Variants in KCNN2 observed in about 807,000 individuals in gnomAD.
KCNN2 encodes potassium calcium-activated channel subfamily N member 2.
In KCNN2, 24 loss-of-function variants were observed where a neutral mutation model predicts 55.5. The ratio of observed to expected loss-of-function variants is 0.43; its 90% CI spans 0.31 to 0.61. KCNN2 has a LOEUF of 0.61. Ranked by LOEUF, KCNN2 falls within the 20% of genes least tolerant of loss-of-function variation. KCNN2 has a pLI of 0.08. For missense variants in KCNN2, 754 were observed against 853.6 expected, an observed-to-expected ratio of 0.88 and a Z score of 1.45; for synonymous variants, 431 against 336.1, an observed-to-expected ratio of 1.28 and a Z score of -3.09.
chr5:114,428,577 C>G (rs1306992606), intron 3 of KCNN2, among the ~76,000 whole-genome samples: 2 of 152,016 alleles, frequency 1.3e-5, no homozygotes, highest in Admixed American at 1.3e-4. Flanking sequence ...TTGATATATT[C>G]TATTTTAATA....
intron 1 of KCNN2, among the ~76,000 whole-genome samples, chr5:114,144,660 T>G (rs1418687932): frequency 6.6e-6 from 1 of 152,042 alleles, no homozygotes; most frequent in African/African-American, 2.4e-5. Flanking sequence ...AAGTAACAAT[T>G]AACACAGGTA....
intron 1 of KCNN2, among the ~76,000 whole-genome samples, chr5:114,158,535 T>G (rs1264833355): frequency 2.0e-5 from 3 of 152,086 alleles, no homozygotes; most frequent in Non-Finnish European, 4.4e-5. Flanking sequence ...TCCAATTCTG[T>G]GAAGAAAGTC....
intron 1 of KCNN2, among the ~76,000 whole-genome samples, chr5:114,135,315 G>T (rs1752153096): frequency 6.6e-6 from 1 of 152,114 alleles, no homozygotes; most frequent in South Asian, 2.1e-4. Context: ...ACTCCAACCC[G>T]ATAGTAAATT....
upstream of KCNN2, chr5:114,361,190 A>G (rs1757409543): frequency 2.0e-5 from 3 of 152,318 alleles, no homozygotes; most frequent in African/African-American, 4.8e-5. Flanking sequence ...CGCCCCCGCC[A>G]GGGGGGACCC....
At chr5:114,177,066 G>A (rs548054187) in intron 1 of KCNN2, among the ~76,000 whole-genome samples, 10 of 151,252 alleles carry the variant, frequency 6.6e-5, no homozygotes, top group Non-Finnish European at 8.8e-5. Context: ...CTAAAGTCAG[G>A]CATCCAACAT....
intron 3 of KCNN2, among the ~76,000 whole-genome samples, chr5:114,458,556 C>T (rs1024788447): frequency 6.6e-6 from 1 of 152,156 alleles, no homozygotes; most frequent in African/African-American, 2.4e-5. Flanking sequence ...TATTACTTCC[C>T]TGCTATGTTT....
chr5:114,242,227 A>C (rs930302185), intron 2 of KCNN2, among the ~76,000 whole-genome samples: 1 of 152,028 alleles, frequency 6.6e-6, no homozygotes, highest in African/African-American at 2.4e-5. Context: ...CATCCTTGTA[A>C]AGAGTGCAGA....
At chr5:114,263,405 T>C (rs915579511) in intron 2 of KCNN2, among the ~76,000 whole-genome samples, 12 of 148,350 alleles carry the variant, frequency 8.1e-5, no homozygotes, top group African/African-American at 2.7e-4. Flanking sequence ...TTTCAAAATA[T>C]GCAACACGTG....
chr5:114,280,421 TTTA>T (rs1236015384), intron 2 of KCNN2, among the ~76,000 whole-genome samples: 1 of 152,222 alleles, frequency 6.6e-6, no homozygotes, highest in Admixed American at 6.5e-5. Context: ...TTCTAGGATT[TTTA>T]TGGTTTTAGG....
chr5:114,245,648 T>C (rs6880768), intron 2 of KCNN2, among the ~76,000 whole-genome samples: 121,715 of 152,080 alleles, frequency 0.8, 48,992 homozygotes, highest in East Asian at 0.9. Flanking sequence ...ACAATATAAG[T>C]ATTTTTTGGC....
intron 2 of KCNN2, among the ~76,000 whole-genome samples, chr5:114,304,442 T>C (rs533671369): frequency 3.9e-5 from 6 of 152,348 alleles, no homozygotes; most frequent in Non-Finnish European, 7.3e-5. Flanking sequence ...CCCACCCTTA[T>C]GATTTGGCGA....
intron 3 of KCNN2, among the ~76,000 whole-genome samples, chr5:114,459,959 C>T (rs2150112151): frequency 6.6e-6 from 1 of 152,252 alleles, no homozygotes; most frequent in East Asian, 1.9e-4. Flanking sequence ...AGGTAAGCGT[C>T]TAATGAGTTA....
intron 3 of KCNN2, among the ~76,000 whole-genome samples, chr5:114,433,268 G>A (rs1332779899): frequency 2.6e-5 from 4 of 152,204 alleles, no homozygotes; most frequent in Non-Finnish European, 5.9e-5. Context: ...GTCTAGCTCA[G>A]GGTTTGTGAA....
At chr5:114,449,918 T>G (rs879945208) in intron 3 of KCNN2, among the ~76,000 whole-genome samples, 43 of 133,296 alleles carry the variant, frequency 3.2e-4, no homozygotes, top group African/African-American at 1.4e-3. Context: ...ACGCGCGCGC[T>G]CGCGTGCGCG....
At chr5:114,270,691 G>A (rs529095269) in intron 2 of KCNN2, among the ~76,000 whole-genome samples, 1 of 152,258 alleles carries the variant, frequency 6.6e-6, no homozygotes, top group Admixed American at 6.5e-5. Flanking sequence ...ATAGACCTGA[G>A]AAATCTGTCA....
chr5:114,066,812 C>G (rs900975930), intron 1 of KCNN2, among the ~76,000 whole-genome samples: 6 of 152,176 alleles, frequency 3.9e-5, no homozygotes, highest in African/African-American at 9.7e-5. Flanking sequence ...ATCTCTTGAC[C>G]TCGTGGTCTG....
In KCNN2 at chr5:114,199,870, T is replaced by C. The variant is rs534391623; in HGVS notation, c.-270-21610T>C. 2.2e-4 allele frequency among the ~76,000 whole-genome samples: 33 copies of C among 152,260 alleles called. No homozygotes were observed. The East Asian group carries it at 6.4e-3, about 29-fold the overall frequency. On this transcript the variant is annotated intron_variant, in intron 1 of 10. Coordinates refer to the KCNN2 transcript ENST00000512097. Reference sequence around the variant, plus strand: ...GAGACTGTAAAGTTTCTGCTGAAAGTTTCCTGTTAGTCTAACTAACAGGGT... The same window carrying C: ...GAGACTGTAAAGTTTCTGCTGAAAGCTTCCTGTTAGTCTAACTAACAGGGT...
chr5:114,265,593 C>T (rs1755194213), intron 2 of KCNN2, among the ~76,000 whole-genome samples: 1 of 152,150 alleles, frequency 6.6e-6, no homozygotes, highest in African/African-American at 2.4e-5. Context: ...TTCCCTCTTA[C>T]TCAGCCTTTG....
chr5:114,078,838 A>T (rs1750737431), intron 1 of KCNN2, among the ~76,000 whole-genome samples: 1 of 152,212 alleles, frequency 6.6e-6, no homozygotes, highest in Non-Finnish European at 1.5e-5. Context: ...TCTAAACTTG[A>T]TACATCATAT....
Sources: allele counts gnomAD v4.1 joint callset (sites outside exome capture counted in the v4.1 genomes callset), GRCh38; gene constraint gnomAD v4.1.1; transcripts MANE v1.5; gene names NCBI Gene and HGNC (gene_info 2026-07-23, HGNC 2026-07-21).